SVIL: variants seen among roughly 807,000 people sequenced by gnomAD.
The protein encoded by SVIL is archvillin.
Under a neutral mutation model 240.4 loss-of-function variants are expected in SVIL, and 101 were observed. That is an observed-to-expected ratio of 0.42 (90% CI 0.36 to 0.50). The LOEUF (loss-of-function observed/expected upper bound fraction) is 0.50, where lower values mean the gene tolerates loss of function less well. Ranked by LOEUF, SVIL falls within the 20% of genes least tolerant of loss-of-function variation. The pLI is 0.01. For missense variants in SVIL, 2,512 were observed against 2,818.7 expected, an observed-to-expected ratio of 0.89 and a Z score of 2.46; for synonymous variants, 999 against 1,100.0, an observed-to-expected ratio of 0.91 and a Z score of 1.82.
At chr10:29,623,622 G>A (rs1383080739) in intron 1 of SVIL, among the ~76,000 whole-genome samples, 1 of 152,198 alleles carries the variant, frequency 6.6e-6, no homozygotes, top group African/African-American at 2.4e-5. Context: ...AGGCCAAGGC[G>A]GGTGGATCAT....
chr10:29,493,401 A>G lies in SVIL; in HGVS notation c.3842-10T>C. 1 of 1,613,870 alleles carries G rather than the reference A, an allele frequency of 6.2e-7. No homozygotes were observed. Among genetic ancestry groups the G allele is most frequent in the Non-Finnish European group, 8.5e-7 (1 of 1,179,826 alleles). On this transcript the variant is annotated splice_polypyrimidine_tract_variant and intron_variant, in intron 20 of 37. Coordinates refer to ENST00000355867, the MANE Select transcript of SVIL (RefSeq NM_021738.3). ...TCGTGCATCCCGCCAACTATCAACA[A>G]ACAAGCAAAAGACATAAGAGTTTTA...
At chr10:29,669,871 T>C (rs1959631857) in intron 2 of SVIL, among the ~76,000 whole-genome samples, 1 of 152,166 alleles carries the variant, frequency 6.6e-6, no homozygotes, top group African/African-American at 2.4e-5. Context: ...CTCAGCAGTT[T>C]GGGAGGCTGA....
At chr10:29,477,193 C>T (rs932025973) in intron 29 of SVIL, among the ~76,000 whole-genome samples, 95 of 152,294 alleles carry the variant, frequency 6.2e-4, no homozygotes, top group African/African-American at 2.1e-3. Context: ...TGATTAGTTA[C>T]CTAATTTAAA....
intron 17 of SVIL, among the ~76,000 whole-genome samples, chr10:29,509,550 TAG>T (rs1272777214): frequency 1.3e-5 from 2 of 152,084 alleles, no homozygotes; most frequent in African/African-American, 4.8e-5. Flanking sequence ...TCTTTTAGTA[TAG>T]AAATGAAAAC....
chr10:29,610,211 C>T (rs951343549), intron 1 of SVIL, among the ~76,000 whole-genome samples: 5 of 152,142 alleles, frequency 3.3e-5, no homozygotes, highest in Non-Finnish European at 4.4e-5. Context: ...TCCCTCACGC[C>T]CCACCCTCGT....
chr10:29,676,510 G>T (rs1483152476), intron 2 of SVIL, among the ~76,000 whole-genome samples: 1 of 152,198 alleles, frequency 6.6e-6, no homozygotes, highest in Admixed American at 6.5e-5. Flanking sequence ...CAGTCTTTGA[G>T]CATGATGATA....
chr10:29,711,129 G>A (rs765354760), intron 1 of SVIL, among the ~76,000 whole-genome samples: 2 of 152,254 alleles, frequency 1.3e-5, no homozygotes, highest in Non-Finnish European at 2.9e-5. Flanking sequence ...GGCCAGAATG[G>A]CGACTCATGC....
In SVIL at chr10:29,532,041, G is replaced by A; in HGVS notation, c.1970C>T (p.Thr657Ile). 6.2e-7 allele frequency: 1 copy of A among 1,614,160 alleles called. No homozygotes were observed. Among genetic ancestry groups the A allele is most frequent in the Non-Finnish European group, 8.5e-7 (1 of 1,180,010 alleles). ...ESRKTSERFRTQPITSAERKE... is the reference protein window; with the variant it reads ...ESRKTSERFRIQPITSAERKE... ...TCGTTCTGCTGAAGTTATAGGTTGGGTTCTAAATCTCTCGGAAGTTTTTCT... is the reference window on the plus strand; with the variant it reads ...TCGTTCTGCTGAAGTTATAGGTTGGATTCTAAATCTCTCGGAAGTTTTTCT... The change falls in exon 9 of 38, where the codon ACC (threonine) becomes ATC (isoleucine). Residue 657 changes from threonine (T) to isoleucine (I), a missense_variant. Physicochemically the swap from Thr to Ile is moderately conservative, Grantham distance 89. Around this residue, in one of 3 missense-constraint regions of SVIL, gnomAD observed 1,443 missense variants for 1,486.6 expected, o/e 0.97. Transcript: ENST00000355867.
chr10:29,658,580 C>A lies in SVIL; in HGVS notation c.-300-512G>T, dbSNP rs1211551486. On this transcript the variant is annotated intron_variant, in intron 2 of 35. Coordinates refer to the SVIL transcript ENST00000375400. ...AAGACCAGTCTGCAACAAAGTGAAA[C>A]CCTGTCTATACAAAAAATTGAACAA... 8.5e-5 allele frequency among the ~76,000 whole-genome samples: 13 copies of A among 152,258 alleles called. No homozygotes were observed. In the East Asian group the frequency reaches 9.7e-4, roughly 11 times the overall value.
intron 32 of SVIL, among the ~76,000 whole-genome samples, chr10:29,468,639 T>C (rs1415429618): frequency 6.6e-6 from 1 of 151,320 alleles, no homozygotes; most frequent in African/African-American, 2.4e-5. Context: ...TATATATACA[T>C]ATATATATAC....
chr10:29,670,690 A>G (rs1959699507), intron 2 of SVIL, among the ~76,000 whole-genome samples: 1 of 152,210 alleles, frequency 6.6e-6, no homozygotes, highest in Admixed American at 6.5e-5. Context: ...TTTCATCTAG[A>G]AAGAGGCCAG....
chr10:29,614,945 C>T lies in SVIL; in HGVS notation c.-201+19475G>A, dbSNP rs112587523. On this transcript the variant is annotated intron_variant, in intron 1 of 37. Transcript: ENST00000355867. The stretch of plus-strand genomic sequence containing the variant: ...TGGTGTTCTACAGGCATAAACCTAT[C>T]TGATCCTCATAACAACTCTATGTGA... 5.3e-3 allele frequency among the ~76,000 whole-genome samples: 800 copies of T among 152,302 alleles called. 7 individuals are homozygous for T. The highest frequency in any genetic ancestry group is 0.011 in the Admixed American group (169 of 15,306).
chr10:29,526,105 T>C (rs778934489), intron 13 of SVIL, among the ~76,000 whole-genome samples: 10 of 152,136 alleles, frequency 6.6e-5, no homozygotes, highest in Non-Finnish European at 1.2e-4. Flanking sequence ...CAGTAAAACA[T>C]CTACGTTTAG....
intron 1 of SVIL, among the ~76,000 whole-genome samples, chr10:29,574,118 G>T (rs1472299874): frequency 2.6e-5 from 4 of 152,226 alleles, no homozygotes; most frequent in Non-Finnish European, 5.9e-5. Flanking sequence ...CCCTGCTGCT[G>T]TGTCCACTGA....
Position 29,488,579 on chromosome 10 carries a change from G to A in SVIL, c.4348+22C>T, listed in dbSNP as rs140019869. 2,430 of 1,560,390 alleles carry A rather than the reference G, an allele frequency of 1.6e-3. 34 individuals carry two copies. The African/African-American group carries it at 0.025, about 16-fold the overall frequency. On this transcript the variant is annotated intron_variant, in intron 23 of 37. Coordinates refer to ENST00000355867, the MANE Select transcript of SVIL (RefSeq NM_021738.3). ...CAGAAACCACGGGCCCTGAGTCACC[G>A]TGCCAGGCTGCTCTGAAATACCTTT...
chr10:29,541,765 T>G (rs868412491), intron 6 of SVIL, among the ~76,000 whole-genome samples: 6 of 150,178 alleles, frequency 4.0e-5, no homozygotes, highest in Middle Eastern at 6.8e-3. Context: ...TTGACAGCTT[T>G]CATCATGAGA....
At chr10:29,622,118 C>T (rs1292302370) in intron 1 of SVIL, among the ~76,000 whole-genome samples, 5 of 151,016 alleles carry the variant, frequency 3.3e-5, no homozygotes, top group East Asian at 2.0e-4. Flanking sequence ...GGCGTGGTGG[C>T]GGGCGCCTGT....
At chr10:29,673,583 GAGAGAGA>G (rs1959964485) in intron 2 of SVIL, among the ~76,000 whole-genome samples, 1 of 101,068 alleles carries the variant, frequency 9.9e-6, no homozygotes, top group Non-Finnish European at 2.0e-5. Flanking sequence ...TTAGGGGGGA[GAGAGAGA>G]GAGAGAGAGA....
At chr10:29,483,925 T>C (rs189311374) in intron 27 of SVIL, 2 of 152,366 alleles carry the variant, frequency 1.3e-5, no homozygotes, top group Non-Finnish European at 2.9e-5. Flanking sequence ...TCTATGCTGT[T>C]TGGTGGTTCA....
Sources: gnomAD v4.1 joint callset for allele counts (sites outside exome capture counted in the v4.1 genomes callset) on GRCh38, gnomAD v4.1.1 for gene constraint, gnomAD v4.1.1 regional missense constraint, MANE v1.5 for transcripts, NCBI Gene and HGNC (gene_info 2026-07-23, HGNC 2026-07-21) for gene names.